DIP2C: variants seen among roughly 807,000 people sequenced by gnomAD.
The protein encoded by DIP2C is disco-interacting protein 2 homolog C.
In DIP2C, 33 loss-of-function variants were observed where a neutral mutation model predicts 192.4. That is an observed-to-expected ratio of 0.17 (90% CI 0.13 to 0.23). DIP2C has a LOEUF of 0.23. DIP2C is among the 10% of genes least tolerant of loss of function. The pLI, the probability that DIP2C is intolerant of heterozygous loss-of-function variation, is 1.00. For missense variants in DIP2C, 1,537 were observed against 2,110.1 expected, an observed-to-expected ratio of 0.73 and a Z score of 5.32; for synonymous variants, 979 against 864.1, an observed-to-expected ratio of 1.13 and a Z score of -2.33.
chr10:574,966 G>A (rs950707709), intron 1 of DIP2C, among the ~76,000 whole-genome samples: 1 of 152,124 alleles, frequency 6.6e-6, no homozygotes, highest in Non-Finnish European at 1.5e-5. Context: ...CACCTTCCAC[G>A]AGTGACTGCT....
At chr10:453,618 A>G (rs1266439667) in intron 3 of DIP2C, among the ~76,000 whole-genome samples, 2 of 152,384 alleles carry the variant, frequency 1.3e-5, no homozygotes, top group South Asian at 4.1e-4. Context: ...AATTTCACGT[A>G]AATGGAAGAT....
At chr10:419,302 C>G (rs532183098) in intron 5 of DIP2C, 103 bp from the exon 6 acceptor site, 1 of 1,536,976 alleles carries the variant, frequency 6.5e-7, no homozygotes, top group Admixed American at 1.7e-5. Flanking sequence ...GGTGCTCACC[C>G]TGGGTGTGCC....
chr10:665,567 G>A (rs1458117551), intron 1 of DIP2C: 1 of 152,168 alleles, frequency 6.6e-6, no homozygotes, highest in Non-Finnish European at 1.5e-5. Flanking sequence ...ACAGTTGGTT[G>A]GGAGCGCCTG....
chr10:597,416 T>G (rs1851774247), intron 1 of DIP2C, among the ~76,000 whole-genome samples: 2 of 152,102 alleles, frequency 1.3e-5, no homozygotes, highest in South Asian at 4.2e-4. Flanking sequence ...GAAGTGGTCT[T>G]CAGAGTTTCC....
chr10:424,892 A>G (rs1441695829), intron 4 of DIP2C, among the ~76,000 whole-genome samples: 1 of 152,008 alleles, frequency 6.6e-6, no homozygotes, highest in Non-Finnish European at 1.5e-5. Context: ...GCAGCAAACC[A>G]AACAAACAGC....
chr10:291,263 C>T lies in DIP2C; in HGVS notation c.3987-2842G>A, dbSNP rs117202084. Among the ~76,000 whole-genome samples, 77 of 152,364 alleles carry T rather than the reference C, an allele frequency of 5.1e-4. No individual in the cohort carries two copies. The East Asian group carries it at 0.011, about 21-fold the overall frequency. ...GCAAGACGGAATCTCAGCTGAGAAC[C>T]TTGTCTGAAGTGTTGAAAACACGGA... On this transcript the variant is annotated intron_variant, in intron 32 of 36. Coordinates refer to ENST00000280886, the MANE Select transcript of DIP2C (RefSeq NM_014974.3).
chr10:685,786 AC>A (rs1319604992), intron 1 of DIP2C, among the ~76,000 whole-genome samples: 3 of 151,940 alleles, frequency 2.0e-5, no homozygotes, highest in Admixed American at 1.3e-4. Context: ...ACATGATGAA[AC>A]CCCATCTCTA....
intron 3 of DIP2C, among the ~76,000 whole-genome samples, chr10:441,420 TGTTGGCTATTGACATGG>T (rs1384037274): frequency 5.9e-5 from 9 of 152,138 alleles, no homozygotes; most frequent in Non-Finnish European, 1.3e-4. Flanking sequence ...GCCAGGACTG[TGTTGGCTATTGACATGG>T]GTTGGCTGTG....
chr10:338,697 G>A (rs760893972), intron 29 of DIP2C, among the ~76,000 whole-genome samples: 27 of 152,134 alleles, frequency 1.8e-4, no homozygotes, highest in African/African-American at 5.3e-4. Context: ...TTCCCCACAC[G>A]GAGCCGATCT....
Position 414,025 on chromosome 10 carries a change from G to C in DIP2C, c.945C>G (p.Asn315Lys). ...GTGCGGCCTCCAGCGACGGCGGCCA[G>C]TTCGTGACCACGCCCAGCTGCTCTC... ...MRGEQLGVVT[N>K]WPPSLEAALQ... The change falls in exon 8 of 37, where the codon AAC becomes AAG. Residue 315 changes from asparagine (N) to lysine (K), a missense_variant. Asn to Lys is a moderately conservative substitution (Grantham distance 94). Coordinates refer to ENST00000280886, the MANE Select transcript of DIP2C (RefSeq NM_014974.3). 8 of 1,614,142 alleles carry C rather than the reference G, an allele frequency of 5.0e-6. No homozygotes were observed. Among genetic ancestry groups the C allele is most frequent in the Non-Finnish European group, 5.9e-6 (7 of 1,180,000 alleles).
chr10:315,797 A>G (rs1279330694), intron 31 of DIP2C, among the ~76,000 whole-genome samples: 1 of 152,008 alleles, frequency 6.6e-6, no homozygotes. Flanking sequence ...TGGGGCTCCG[A>G]TCACTACAGG....
rs185218568 is a variant in DIP2C at position 630,797 on chromosome 10, A to T, written c.85+58697T>A. On this transcript the variant is annotated intron_variant, in intron 1 of 36. Transcript: ENST00000280886. ...AGAGAATGAAACTGGCAGCCATAGAATCCGGGCCTTGATGCCCAGGCCTCG... is the reference window on the plus strand; with the variant it reads ...AGAGAATGAAACTGGCAGCCATAGATTCCGGGCCTTGATGCCCAGGCCTCG... The T allele has an allele frequency of 1.0e-3, 153 of 152,300 alleles. 1 individual carries two copies. Among genetic ancestry groups the T allele is most frequent in the African/African-American group, 3.6e-3 (148 of 41,550 alleles). 9.4% of individuals were successfully genotyped at this position (152,300 alleles called of 1,614,324 possible). A position where few individuals can be genotyped will look rare whatever the true frequency, so the allele number is the denominator to read the frequency against.
At chr10:362,795 T>G (rs1959694816) in intron 21 of DIP2C, 104 bp from the exon 22 acceptor site, 1 of 1,251,106 alleles carries the variant, frequency 8.0e-7, no homozygotes, top group Non-Finnish European at 1.1e-6. Flanking sequence ...GTCTGTGCAG[T>G]ATAAGCACTG....
At chr10:324,978 T>C (rs548952805) in intron 31 of DIP2C, 4 of 532,002 alleles carry the variant, frequency 7.5e-6, no homozygotes, top group African/African-American at 5.8e-5. Context: ...TCTTAAAACA[T>C]TTTGGGGCTG....
intron 1 of DIP2C, among the ~76,000 whole-genome samples, chr10:601,597 T>G (rs1311070111): frequency 6.6e-6 from 1 of 152,204 alleles, no homozygotes; most frequent in Non-Finnish European, 1.5e-5. Context: ...TGGCAGAGAC[T>G]TCCTTCCTGC....
intron 1 of DIP2C, among the ~76,000 whole-genome samples, chr10:491,497 G>A (rs1483698646): frequency 6.6e-6 from 1 of 152,180 alleles, no homozygotes; most frequent in African/African-American, 2.4e-5. Flanking sequence ...AGCAGGCGCT[G>A]CAGACCGGTG....
intron 1 of DIP2C, among the ~76,000 whole-genome samples, chr10:550,691 GA>G (rs201781284): frequency 3.3e-5 from 5 of 151,054 alleles, no homozygotes; most frequent in African/African-American, 9.7e-5. Context: ...ATCAGGTGGA[GA>G]AAAAAAAATG....
At chr10:509,392 C>A (rs143369440) in intron 1 of DIP2C, among the ~76,000 whole-genome samples, 1 of 152,198 alleles carries the variant, frequency 6.6e-6, no homozygotes, top group East Asian at 1.9e-4. Context: ...GGGATTCAAC[C>A]AGGTCCTTCC....
At chr10:560,556 G>A (rs1849155365) in intron 1 of DIP2C, among the ~76,000 whole-genome samples, 3 of 152,130 alleles carry the variant, frequency 2.0e-5, no homozygotes, top group Admixed American at 6.5e-5. Flanking sequence ...TGATTCTCAG[G>A]CTGGTTTCAA....
Sources: allele counts gnomAD v4.1 joint callset (sites outside exome capture counted in the v4.1 genomes callset), GRCh38; gene constraint gnomAD v4.1.1; transcripts MANE v1.5; gene names NCBI Gene and HGNC (gene_info 2026-07-23, HGNC 2026-07-21).